RHBDF2: variants seen among roughly 807,000 people sequenced by gnomAD.
The protein encoded by RHBDF2 is rhomboid 5 homolog 2.
RHBDF2 carries 38 observed loss-of-function variants against 95.2 expected under a neutral mutation model. That is an observed-to-expected ratio of 0.40 (90% confidence interval 0.31 to 0.52). The LOEUF (loss-of-function observed/expected upper bound fraction) is 0.52, where lower values mean the gene tolerates loss of function less well. RHBDF2 is among the 20% of genes least tolerant of loss of function. The pLI is 0.56. For synonymous variants in RHBDF2, 442 were observed against 462.0 expected, an observed-to-expected ratio of 0.96 and a Z score of 0.55; for missense variants, 863 against 1,137.7, an observed-to-expected ratio of 0.76 and a Z score of 3.47.
chr17:76,472,539 G>T, intron 18 of RHBDF2, 147 bp downstream of exon 18: 1 of 1,017,038 alleles, frequency 9.8e-7, no homozygotes, highest in Non-Finnish European at 1.5e-6. Flanking sequence ...AGACCAGCCA[G>T]TAAGCCCCCA....
At chr17:76,474,946 G>T in intron 10 of RHBDF2, 84 bp downstream of exon 10, 1 of 1,461,300 alleles carries the variant, frequency 6.8e-7, no homozygotes, top group East Asian at 2.4e-5. Context: ...CCAGATTGTT[G>T]CGGTGGGAGG....
chr17:76,490,938 C>T (rs1466903880), intron 1 of RHBDF2, among the ~76,000 whole-genome samples: 1 of 152,172 alleles, frequency 6.6e-6, no homozygotes, highest in Non-Finnish European at 1.5e-5. Flanking sequence ...CAACCCCGGG[C>T]AGCCCAGGAT....
intron 2 of RHBDF2, among the ~76,000 whole-genome samples, chr17:76,484,960 C>T (rs917132342): frequency 2.0e-5 from 3 of 152,176 alleles, no homozygotes; most frequent in South Asian, 2.1e-4. Context: ...CCCAGAGAAG[C>T]GTCTGGAGGA....
At position 76,472,030 on chromosome 17, in the gene RHBDF2, A is replaced by T; in HGVS notation, c.2087T>A (p.Phe696Tyr). ...CACGAAGAGGCAGGCGAGGAGGCCGAACTGTGAGCCGGCCGGGCCCACCTG... is the reference window on the plus strand; with the variant it reads ...CACGAAGAGGCAGGCGAGGAGGCCGTACTGTGAGCCGGCCGGGCCCACCTG... ...RAEVGPAGSQ[F>Y]GLLACLFVEL... is the part of the protein sequence containing the mutation. The change falls in exon 19 of 19, where the codon TTC becomes TAC. Residue 696 changes from phenylalanine to tyrosine, a missense_variant. By Grantham distance (22) the Phe-to-Tyr change is conservative (BLOSUM62 3). Transcript: ENST00000675367. 6.4e-7 allele frequency: 1 copy of T among 1,569,338 alleles called. No individual in the cohort carries two copies. Among genetic ancestry groups the T allele is most frequent in the Non-Finnish European group, 8.6e-7 (1 of 1,157,298 alleles).
At chr17:76,490,623 TCA>T (rs1488514426) in intron 1 of RHBDF2, among the ~76,000 whole-genome samples, 1 of 151,812 alleles carries the variant, frequency 6.6e-6, no homozygotes, top group African/African-American at 2.4e-5. Context: ...AGACTCCAGC[TCA>T]GTTAAGGTCG....
intron 1 of RHBDF2, among the ~76,000 whole-genome samples, chr17:76,497,268 G>A (rs2074449255): frequency 6.6e-6 from 1 of 152,110 alleles, no homozygotes; most frequent in African/African-American, 2.4e-5. Flanking sequence ...CTACGCCAGG[G>A]AAAGCACAGC....
chr17:76,492,494 A>G (rs949206961), intron 1 of RHBDF2, among the ~76,000 whole-genome samples: 1 of 152,168 alleles, frequency 6.6e-6, no homozygotes, highest in African/African-American at 2.4e-5. Context: ...GGCCACCCCC[A>G]GGGAGGTCCC....
intron 1 of RHBDF2, among the ~76,000 whole-genome samples, chr17:76,499,562 G>A (rs898471048): frequency 2.0e-5 from 3 of 152,182 alleles, no homozygotes; most frequent in African/African-American, 4.8e-5. Context: ...TCCAGGGCTC[G>A]TCAGCTAACC....
Position 76,474,799 on chromosome 17 carries a change from C to T in RHBDF2, c.1233G>A (p.Leu411=), listed in dbSNP as rs2073712557. 6.2e-7 allele frequency: 1 copy of T among 1,613,920 alleles called. No individual in the cohort carries two copies. Among genetic ancestry groups the T allele is most frequent in the South Asian group, 1.1e-5 (1 of 91,074 alleles). The change falls in exon 11 of 19, where the codon CTG becomes CTA. Residue 411 remains leucine, a synonymous_variant. Transcript: ENST00000675367. ...CGCTCTCGTACACACCTTTGTTCCGCAGCACCTATCGTGGAGGTAGCACAG... is the reference window on the plus strand; with the variant it reads ...CGCTCTCGTACACACCTTTGTTCCGTAGCACCTATCGTGGAGGTAGCACAG... ...FAQHVTTQLV[L]RNKGVYESVK...
chr17:76,483,612 G>A (rs1481047085), intron 2 of RHBDF2, among the ~76,000 whole-genome samples: 1 of 152,146 alleles, frequency 6.6e-6, no homozygotes, highest in East Asian at 1.9e-4. Context: ...TTTGATGAAT[G>A]CAAAGATTTC....
chr17:76,499,237 C>A (rs934893510), intron 1 of RHBDF2, among the ~76,000 whole-genome samples: 1 of 152,142 alleles, frequency 6.6e-6, no homozygotes, highest in Non-Finnish European at 1.5e-5. Context: ...GGTTCCCAGG[C>A]AAGAAGGCTG....
chr17:76,493,420 A>G (rs2074354813), intron 1 of RHBDF2, among the ~76,000 whole-genome samples: 1 of 152,194 alleles, frequency 6.6e-6, no homozygotes, highest in Admixed American at 6.5e-5. Context: ...GCTGGGCCTC[A>G]CGTAGCCAGT....
chr17:76,491,439 G>A (rs1002368966), intron 1 of RHBDF2, among the ~76,000 whole-genome samples: 1 of 152,144 alleles, frequency 6.6e-6, no homozygotes, highest in African/African-American at 2.4e-5. Context: ...AGTTGGGGGG[G>A]GGTCCCGAAG....
Position 76,478,915 on chromosome 17 carries a change from A to C in RHBDF2, c.563T>G (p.Leu188Arg). 6.2e-7 allele frequency: 1 copy of C among 1,609,228 alleles called. No homozygotes were observed. The highest frequency in any genetic ancestry group is 8.5e-7 in the Non-Finnish European group (1 of 1,177,476). The change falls in exon 6 of 19, where the codon CTG becomes CGG. Residue 188 changes from leucine (L) to arginine (R), a missense_variant. Leu to Arg is a moderately radical substitution (Grantham distance 102, BLOSUM62 -2). Around this residue, in one of 2 missense-constraint regions of RHBDF2, gnomAD observed 611 missense variants for 725.5 expected, o/e 0.84. Coordinates refer to ENST00000675367, the MANE Select transcript of RHBDF2 (RefSeq NM_001005498.4). ...APHPPLTPGVLSLTSFTSVRS... is the reference protein window; with the variant it reads ...APHPPLTPGVRSLTSFTSVRS... The stretch of plus-strand genomic sequence containing the variant: ...GACACTGGTGAAGGAGGTGAGGGAC[A>C]GGACTCCGGGGGTCAGCGGTGGGTG...
chr17:76,473,605 G>A (rs770029904), intron 15 of RHBDF2, 43 bp downstream of exon 15: 3 of 1,513,262 alleles, frequency 2.0e-6, no homozygotes, highest in South Asian at 1.2e-5. Flanking sequence ...CCGCAGCTCG[G>A]GGGGGCAGTG....
chr17:76,473,969 G>A (rs529183218), intron 13 of RHBDF2, 64 bp downstream of exon 13: 91 of 1,605,886 alleles, frequency 5.7e-5, no homozygotes, highest in Non-Finnish European at 6.0e-5. Flanking sequence ...CCACGTCCCT[G>A]TGGGTGGCTC....
At chr17:76,493,146 T>C (rs2144409291) in intron 1 of RHBDF2, 1 of 152,354 alleles carries the variant, frequency 6.6e-6, no homozygotes, top group East Asian at 1.9e-4. Context: ...AATCACAGGA[T>C]GCTAGGGTGA....
At chr17:76,492,770 G>C (rs1447232389) in intron 1 of RHBDF2, among the ~76,000 whole-genome samples, 3 of 152,226 alleles carry the variant, frequency 2.0e-5, no homozygotes, top group African/African-American at 7.2e-5. Context: ...AGGGCAGGGA[G>C]AGCGTGACAG....
At chr17:76,481,232 T>A in intron 3 of RHBDF2, 143 bp downstream of exon 3, 1 of 898,122 alleles carries the variant, frequency 1.1e-6, no homozygotes, top group South Asian at 1.8e-5. Flanking sequence ...AAGGAGGGGG[T>A]AGGGCCCGAG....
Sources: allele counts gnomAD v4.1 joint callset (sites outside exome capture counted in the v4.1 genomes callset), GRCh38; gene constraint gnomAD v4.1.1; regional missense constraint gnomAD v4.1.1; transcripts MANE v1.5; gene names NCBI Gene and HGNC (gene_info 2026-07-23, HGNC 2026-07-21).